The following CD53 variants were observed in gnomAD, a reference collection of about 807,000 sequenced individuals.
The protein encoded by CD53 is leukocyte surface antigen CD53.
In CD53, 20 loss-of-function variants were observed where a neutral mutation model predicts 27.3. The ratio of observed to expected loss-of-function variants is 0.73; its 90% CI spans 0.52 to 1.07. CD53 has a LOEUF of 1.07. Ranked by LOEUF, CD53 falls within the 50% of genes least tolerant of loss-of-function variation. CD53 has a pLI of 0.00. For synonymous variants in CD53, 106 were observed against 105.3 expected (o/e 1.01, Z -0.04); for missense variants, 216 against 264.0 (o/e 0.82, Z 1.26).
rs138302494 is a variant in CD53, at chr1:110,883,693, A to T, written c.-17-7699A>T. ...TGGACTAGCAGTTTTCTTTATGGGA[A>T]GACTTTTAAACTCCAAATTCAGTTT... On this transcript the variant is annotated intron_variant, in intron 1 of 7. Coordinates refer to ENST00000271324, the MANE Select transcript of CD53 (RefSeq NM_000560.4). 4.6e-3 allele frequency among the ~76,000 whole-genome samples: 700 copies of T among 152,108 alleles called. 5 individuals are homozygous for T. Among genetic ancestry groups the T allele is most frequent in the African/African-American group, 0.016 (676 of 41,556 alleles).
chr1:110,885,641 T>C (rs1438333589), intron 1 of CD53, among the ~76,000 whole-genome samples: 1 of 152,032 alleles, frequency 6.6e-6, no homozygotes, highest in African/African-American at 2.4e-5. Flanking sequence ...GACAGGCAGA[T>C]CACCTGAGGT....
intron 1 of CD53, among the ~76,000 whole-genome samples, chr1:110,882,375 AT>A (rs1311171420): frequency 6.6e-6 from 1 of 151,516 alleles, no homozygotes; most frequent in South Asian, 2.1e-4. Context: ...TTAATTTTGT[AT>A]TTTTTTTGAA....
intron 1 of CD53, among the ~76,000 whole-genome samples, chr1:110,890,190 C>G (rs1375989069): frequency 6.6e-6 from 1 of 152,062 alleles, no homozygotes; most frequent in Non-Finnish European, 1.5e-5. Flanking sequence ...AATCACTGCC[C>G]CAACATTCTG....
intron 3 of CD53, among the ~76,000 whole-genome samples, chr1:110,893,541 C>G (rs1656939396): frequency 6.6e-6 from 1 of 152,222 alleles, no homozygotes; most frequent in East Asian, 1.9e-4. Context: ...AAGCTGGTCT[C>G]TAACTCCCGA....
At chr1:110,886,869 A>ATATATATATATATATTT (rs1298376721) in intron 1 of CD53, among the ~76,000 whole-genome samples, 20 of 82,782 alleles carry the variant, frequency 2.4e-4, no homozygotes, top group African/African-American at 7.5e-4. Context: ...ATATATATAT[A>ATATATATATATATATTT]TTTTTTTTTT....
chr1:110,885,921 G>A (rs1028870136), intron 1 of CD53, among the ~76,000 whole-genome samples: 1 of 152,046 alleles, frequency 6.6e-6, no homozygotes, highest in African/African-American at 2.4e-5. Context: ...AAAAAGTATT[G>A]CGCATTTATT....
At chr1:110,878,987 G>GA (rs144849475) in intron 1 of CD53, among the ~76,000 whole-genome samples, 33,126 of 151,470 alleles carry the variant, frequency 0.22, 4,364 homozygotes, top group Middle Eastern at 0.38. Context: ...GGTACAAATG[G>GA]AAAAAAAACA....
chr1:110,899,158 G>A lies in CD53; in HGVS notation c.623G>A (p.Cys208Tyr), dbSNP rs1216924390. Residue 208 changes from cysteine to tyrosine, a missense_variant, in exon 8 of 8, where the codon TGC becomes TAC. Physicochemically the swap from Cys to Tyr is radical, Grantham distance 194 (BLOSUM62 -2). Transcript: ENST00000271324. ...ATGTCCTTTGCACTGACCCTGAACT[G>A]CCAGATTGACAAAACCAGCCAGACC... ...LGMSFALTLN[C>Y]QIDKTSQTIG... 1 of 1,613,848 alleles carries A rather than the reference G, an allele frequency of 6.2e-7. No individual in the cohort carries two copies. Among genetic ancestry groups the A allele is most frequent in the East Asian group, 2.2e-5 (1 of 44,874 alleles).
At position 110,894,307 on chromosome 1, in the gene CD53, A is replaced by C; in HGVS notation, c.253-20A>C. ...GAGAATGGGGATCAGTGCTGTGAGA[A>C]TGTATCTGCTTTGTCCCAGTTCTTC... is the stretch of plus-strand genomic sequence containing the variant. On this transcript the variant is annotated intron_variant, in intron 3 of 7. Coordinates refer to ENST00000271324, the MANE Select transcript of CD53 (RefSeq NM_000560.4). 1 of 1,611,366 alleles carries C rather than the reference A, an allele frequency of 6.2e-7. No individual in the cohort carries two copies.
intron 2 of CD53, among the ~76,000 whole-genome samples, chr1:110,891,983 A>G (rs141168854): frequency 0.01 from 1,525 of 152,362 alleles, 11 homozygotes; most frequent in Non-Finnish European, 0.014. Context: ...GAGCTTCCTC[A>G]AGCAGGGCAT....
chr1:110,884,476 AGTTT>A (rs955072846), intron 1 of CD53, among the ~76,000 whole-genome samples: 3 of 152,068 alleles, frequency 2.0e-5, no homozygotes, highest in African/African-American at 7.2e-5. Context: ...ACAATCAGTT[AGTTT>A]AAGTTGACTG....
At chr1:110,872,610 C>T (rs920685432), upstream of CD53, among the ~76,000 whole-genome samples, 5 of 152,150 alleles carry the variant, frequency 3.3e-5, no homozygotes, top group African/African-American at 9.7e-5. Context: ...GTCTTGCTCT[C>T]GAGACAGAGA....
intron 1 of CD53, among the ~76,000 whole-genome samples, chr1:110,883,934 T>G (rs1468696489): frequency 6.6e-6 from 1 of 151,962 alleles, no homozygotes; most frequent in African/African-American, 2.4e-5. Context: ...TGATTACCTG[T>G]GTATAAGTTT....
intron 1 of CD53, among the ~76,000 whole-genome samples, chr1:110,875,293 C>A (rs2885805): frequency 0.27 from 40,529 of 152,014 alleles, 6,068 homozygotes; most frequent in Middle Eastern, 0.45. Context: ...TACTTGGCAC[C>A]AGAAAGTGGA....
chr1:110,899,455 A>C lies in CD53; in HGVS notation c.*260A>C. ...ACTAATATCTGAGCATCTTTTAGACAAGAGAGGCAAAGACAAACTGGATTT... is the reference window on the plus strand; with the variant it reads ...ACTAATATCTGAGCATCTTTTAGACCAGAGAGGCAAAGACAAACTGGATTT... On this transcript the variant is annotated 3_prime_UTR_variant, in exon 8 of 8. Coordinates refer to ENST00000271324, the MANE Select transcript of CD53 (RefSeq NM_000560.4). The C allele has an allele frequency of 2.9e-6, 1 of 350,414 alleles. No homozygotes were observed. The highest frequency in any genetic ancestry group is 5.3e-6 in the Non-Finnish European group (1 of 187,896). The allele number at this position is 350,414 out of a possible 1,614,324, so 21.7% of individuals were successfully genotyped here. A position where few individuals can be genotyped will look rare whatever the true frequency, so the allele number is the denominator to read the frequency against.
intron 1 of CD53, 81 bp from the exon 2 acceptor site, chr1:110,891,311 G>A: frequency 1.0e-6 from 1 of 970,510 alleles, no homozygotes; most frequent in South Asian, 1.3e-5. Flanking sequence ...TAATGCTAGA[G>A]ATCCCTGAAC....
chr1:110,875,869 G>A (rs1656112719), intron 1 of CD53, among the ~76,000 whole-genome samples: 1 of 152,190 alleles, frequency 6.6e-6, no homozygotes, highest in South Asian at 2.1e-4. Context: ...GCCAGTGGAT[G>A]ACCACTCAGA....
chr1:110,888,423 A>G (rs541449278), intron 1 of CD53, among the ~76,000 whole-genome samples: 1 of 152,174 alleles, frequency 6.6e-6, no homozygotes, highest in East Asian at 1.9e-4. Context: ...CTGTCTGTGA[A>G]TATAAGCTGA....
chr1:110,886,996 T>A (rs1013040109), intron 1 of CD53, among the ~76,000 whole-genome samples: 5 of 151,324 alleles, frequency 3.3e-5, no homozygotes, highest in Non-Finnish European at 5.9e-5. Context: ...ATGTCACACA[T>A]TGTAGTTTCA....
Sources: allele counts gnomAD v4.1 joint callset (sites outside exome capture counted in the v4.1 genomes callset), GRCh38; gene constraint gnomAD v4.1.1; transcripts MANE v1.5; gene names NCBI Gene and HGNC (gene_info 2026-07-23, HGNC 2026-07-21).